XYLB: variants seen among roughly 807,000 people sequenced by gnomAD.
XYLB encodes xylulose kinase.
A neutral mutation model predicts 78.7 loss-of-function variants in XYLB; 62 were observed. The ratio of observed to expected loss-of-function variants is 0.79; its 90% confidence interval spans 0.64 to 0.97. XYLB has a LOEUF of 0.97. Among genes scored for constraint, XYLB ranks in the 50% least tolerant of loss-of-function variants. XYLB has a pLI of 0.00. For synonymous variants in XYLB, 245 were observed against 247.4 expected, an observed-to-expected ratio of 0.99 and a Z score of 0.09; for missense variants, 687 against 676.8, an observed-to-expected ratio of 1.02 and a Z score of -0.17.
In XYLB at chr3:38,348,512, G is replaced by A. The variant is rs61290802; in HGVS notation, c.58-38G>A. On this transcript the variant is annotated intron_variant, in intron 1 of 18. Coordinates refer to ENST00000207870, the MANE Select transcript of XYLB (RefSeq NM_005108.4). ...CCCCCTGGACCAGTGTAGAAGCTGA[G>A]GAAAATTCTACACTTCCTTTTTTAA... The A allele has an allele frequency of 3.1e-6, 5 of 1,603,816 alleles. No individual in the cohort carries two copies. In the South Asian group the frequency reaches 5.5e-5, roughly 18 times the overall value.
At chr3:38,404,808 C>G (rs1018067349) in intron 18 of XYLB, among the ~76,000 whole-genome samples, 1 of 152,102 alleles carries the variant, frequency 6.6e-6, no homozygotes, top group South Asian at 2.1e-4. Context: ...GCCTGGGTAA[C>G]AGAGTGAGAC....
intron 18 of XYLB, among the ~76,000 whole-genome samples, chr3:38,412,710 A>G (rs1708644686): frequency 6.6e-6 from 1 of 152,146 alleles, no homozygotes; most frequent in African/African-American, 2.4e-5. Flanking sequence ...TGTAGATTTG[A>G]TCATAAAAAT....
At chr3:38,444,323 G>A in the XYLB span, among the ~76,000 whole-genome samples, 1 of 152,254 alleles carries the variant, frequency 6.6e-6, no homozygotes, top group Middle Eastern at 3.4e-3. Context: ...GGGGGTTTTT[G>A]TGGTCCTTTG....
At chr3:38,365,119 G>C (rs971202656) in intron 4 of XYLB, 80 bp from the exon 5 acceptor site, 1 of 1,322,628 alleles carries the variant, frequency 7.6e-7, no homozygotes, top group African/African-American at 1.4e-5. Context: ...TTGGCATGTG[G>C]TCTGGGGTCT....
At chr3:38,423,105 C>T (rs998078312), downstream of XYLB, among the ~76,000 whole-genome samples, 4 of 152,144 alleles carry the variant, frequency 2.6e-5, no homozygotes, top group Non-Finnish European at 5.9e-5. Context: ...TGGAGTCTCG[C>T]TCTGCTGCCC....
intron 18 of XYLB, among the ~76,000 whole-genome samples, chr3:38,409,940 C>T (rs1351624809): frequency 6.6e-6 from 1 of 152,060 alleles, no homozygotes; most frequent in Non-Finnish European, 1.5e-5. Flanking sequence ...ATCAATATCA[C>T]GAAAATGGCC....
intron 6 of XYLB, 85 bp from the exon 7 acceptor site, chr3:38,366,723 C>A: frequency 1.1e-6 from 1 of 924,564 alleles, no homozygotes; most frequent in African/African-American, 1.6e-5. Context: ...CTATCCAGAG[C>A]ATGCTACATT....
At position 38,414,202 on chromosome 3, in the gene XYLB, A is replaced by G. The variant is rs1471058962; in HGVS notation, c.*1189A>G. On this transcript the variant is annotated 3_prime_UTR_variant, in exon 19 of 19. Coordinates refer to ENST00000207870, the MANE Select transcript of XYLB (RefSeq NM_005108.4). ...TGACAAAATCCTGCAGATAGGTTTAAGACCTAGTGGCTCAGAGCAGTAGCT... is the reference window on the plus strand; with the variant it reads ...TGACAAAATCCTGCAGATAGGTTTAGGACCTAGTGGCTCAGAGCAGTAGCT... 3 of 152,230 alleles carry G rather than the reference A, an allele frequency of 2.0e-5. No homozygotes were observed. Among genetic ancestry groups the G allele is most frequent in the Non-Finnish European group, 4.4e-5 (3 of 68,052 alleles). The allele number at this position is 152,230 out of a possible 1,614,324, so 9.4% of individuals were successfully genotyped here. A position where few individuals can be genotyped will look rare whatever the true frequency, so the allele number is the denominator to read the frequency against.
chr3:38,360,347 G>A lies in XYLB; in HGVS notation c.149G>A (p.Gly50Asp), dbSNP rs200329926. Residue 50 changes from glycine to aspartate, a missense_variant, in exon 3 of 19, where the codon GGT becomes GAT. By Grantham distance (94) the Gly-to-Asp change is moderately conservative. Transcript: ENST00000207870. ...DRDLPEFGTQ[G>D]GVHVHKDGLT... is the part of the protein sequence containing the mutation. ...CTCTGTTGTTCTTGCAGGACTCAGG[G>A]TGGTGTTCATGTGCACAAGGATGGG... The A allele has an allele frequency of 6.2e-7, 1 of 1,614,020 alleles. No individual in the cohort carries two copies.
At chr3:38,437,002 T>TAAAAAAAAA in the XYLB span, among the ~76,000 whole-genome samples, 7 of 99,008 alleles carry the variant, frequency 7.1e-5, no homozygotes, top group Admixed American at 2.5e-4. Context: ...AGACTCCTTC[T>TAAAAAAAAA]AAAAATAATA....
chr3:38,437,425 G>C, the XYLB span, among the ~76,000 whole-genome samples: 452 of 152,246 alleles, frequency 3.0e-3, 7 homozygotes, highest in African/African-American at 0.01. Flanking sequence ...TCAGGCAAGA[G>C]AAAGAAAGAA....
chr3:38,391,051 C>G (rs1300709725), intron 15 of XYLB, among the ~76,000 whole-genome samples: 5 of 152,058 alleles, frequency 3.3e-5, no homozygotes, highest in African/African-American at 1.2e-4. Context: ...GAAACCCCGT[C>G]TCTACTGAAA....
chr3:38,445,055 A>T, the XYLB span, among the ~76,000 whole-genome samples: 1 of 152,162 alleles, frequency 6.6e-6, no homozygotes, highest in African/African-American at 2.4e-5. Context: ...TTGAAAACCT[A>T]TTAGAGTCCT....
At chr3:38,400,174 G>A (rs1263951088) in intron 17 of XYLB, among the ~76,000 whole-genome samples, 1 of 152,138 alleles carries the variant, frequency 6.6e-6, no homozygotes, top group Non-Finnish European at 1.5e-5. Flanking sequence ...CATTTGCTTG[G>A]TGAGTAATTA....
the XYLB span, among the ~76,000 whole-genome samples, chr3:38,430,094 C>T: frequency 3.9e-5 from 6 of 152,278 alleles, no homozygotes; most frequent in South Asian, 2.1e-4. Flanking sequence ...CTGGGTCAAA[C>T]AGTATTCCTA....
At chr3:38,360,616 A>G (rs1370160502) in intron 3 of XYLB, among the ~76,000 whole-genome samples, 2 of 152,238 alleles carry the variant, frequency 1.3e-5, no homozygotes, top group East Asian at 1.9e-4. Flanking sequence ...CTTACAAAAA[A>G]CTTCCAGGTA....
downstream of XYLB, among the ~76,000 whole-genome samples, chr3:38,423,174 G>T (rs186477136): frequency 3.0e-3 from 460 of 152,302 alleles, 7 homozygotes; most frequent in Admixed American, 0.026. Context: ...CTGGGTTCAT[G>T]CCATTCTCCT....
At chr3:38,355,731 T>C in intron 2 of XYLB, 1 of 703,572 alleles carries the variant, frequency 1.4e-6, no homozygotes, top group African/African-American at 1.7e-5. Flanking sequence ...TTGGCTGATG[T>C]GGGTGTCCAG....
chr3:38,451,747 G>C, the XYLB span: 1 of 152,244 alleles, frequency 6.6e-6, no homozygotes, highest in Non-Finnish European at 1.5e-5. Flanking sequence ...TTCAGACAGG[G>C]AAAACTGGGG....
Sources: gnomAD v4.1 joint callset for allele counts (sites outside exome capture counted in the v4.1 genomes callset) on GRCh38, gnomAD v4.1.1 for gene constraint, MANE v1.5 for transcripts, NCBI Gene and HGNC (gene_info 2026-07-23, HGNC 2026-07-21) for gene names.